Variants in BAX observed in about 807,000 individuals in gnomAD.
BAX encodes apoptosis regulator BAX.
Under a neutral mutation model 26.8 loss-of-function variants are expected in BAX, and 21 were observed. The observed-to-expected ratio is 0.78, with a 90% confidence interval of 0.56 to 1.13. The LOEUF (loss-of-function observed/expected upper bound fraction) is 1.13. Among genes scored for constraint, BAX ranks in the 50% most tolerant of loss-of-function variants. BAX has a pLI of 0.00. For missense variants in BAX, 236 were observed against 254.6 expected, an observed-to-expected ratio of 0.93 and a Z score of 0.50; for synonymous variants, 110 against 101.8, an observed-to-expected ratio of 1.08 and a Z score of -0.49.
chr19:48,955,151 T>A, intron 1 of BAX, 189 bp downstream of exon 1: 1 of 678,326 alleles, frequency 1.5e-6, no homozygotes, highest in Admixed American at 4.4e-5. Context: ...CGTGTCCCGA[T>A]CCCTGCCTCT....
At chr19:48,959,349 CAAAA>C (rs71179067) in intron 4 of BAX, among the ~76,000 whole-genome samples, 250 of 73,038 alleles carry the variant, frequency 3.4e-3, no homozygotes, top group Non-Finnish European at 4.3e-3. Context: ...GACTCCGTCT[CAAAA>C]AAAAAAAAAA....
intron 4 of BAX, among the ~76,000 whole-genome samples, chr19:48,956,819 C>CTTTTTTTT (rs56251427): frequency 7.6e-3 from 661 of 87,368 alleles, no homozygotes; most frequent in Non-Finnish European, 8.7e-3. Flanking sequence ...TTATCCCTGG[C>CTTTTTTTT]TTTTTTTTTT....
At chr19:48,955,330 C>T in intron 1 of BAX, 1 of 517,768 alleles carries the variant, frequency 1.9e-6, no homozygotes, top group South Asian at 3.9e-5. Context: ...TTCCCCTAGC[C>T]TCTTTCCCCG....
chr19:48,961,054 GATC>G, intron 5 of BAX, 140 bp downstream of exon 5: 1 of 1,610,022 alleles, frequency 6.2e-7, no homozygotes, highest in Non-Finnish European at 8.5e-7. Context: ...CCCATCTTCA[GATC>G]ATCAGATGTG....
intron 4 of BAX, 37 bp downstream of exon 4, chr19:48,956,370 C>T: frequency 6.7e-7 from 1 of 1,484,692 alleles, no homozygotes; most frequent in Non-Finnish European, 9.0e-7. Context: ...AGGGATGCTC[C>T]CCCTCAGATC....
At chr19:48,957,223 T>C (rs2122354194) in intron 4 of BAX, among the ~76,000 whole-genome samples, 1 of 148,698 alleles carries the variant, frequency 6.7e-6, no homozygotes, top group African/African-American at 2.5e-5. Flanking sequence ...CAGGGGCAGA[T>C]TGTGTGGAGT....
intron 4 of BAX, among the ~76,000 whole-genome samples, chr19:48,959,991 T>C (rs1201704478): frequency 4.0e-4 from 2 of 5,052 alleles, no homozygotes; most frequent in Admixed American, 1.2e-3. Flanking sequence ...AGACTCCATC[T>C]TAAAAAAAAA....
chr19:48,961,631 G>A lies in BAX; in HGVS notation c.574G>A (p.Gly192Ser), dbSNP rs1375579894. ...TASLTIWKKMG is the reference protein window; with the variant it reads ...TASLTIWKKMS ...CTCACTCACCATCTGGAAGAAGATG[G>A]GCTGAGGCCCCCAGCTGCCTTGGAC... Residue 192 changes from glycine to serine, a missense_variant, in exon 6 of 6, where the codon GGC becomes AGC. Coordinates refer to ENST00000345358, the MANE Select transcript of BAX (RefSeq NM_138761.4). 1.3e-6 allele frequency: 2 copies of A among 1,597,372 alleles called. No homozygotes were observed. Among genetic ancestry groups the A allele is most frequent in the Non-Finnish European group, 1.7e-6 (2 of 1,171,480 alleles).
At chr19:48,959,615 G>T (rs1263521842) in intron 4 of BAX, among the ~76,000 whole-genome samples, 1 of 146,172 alleles carries the variant, frequency 6.8e-6, no homozygotes, top group East Asian at 2.0e-4. Flanking sequence ...AGGAGTTTGA[G>T]ACCAGCCTGA....
intron 4 of BAX, among the ~76,000 whole-genome samples, chr19:48,956,734 C>A (rs2038149063): frequency 6.8e-6 from 1 of 148,140 alleles, no homozygotes; most frequent in Non-Finnish European, 1.5e-5. Flanking sequence ...TGGTTCACTG[C>A]AACCTCTGCC....
chr19:48,957,648 T>C (rs1235987253), intron 4 of BAX, among the ~76,000 whole-genome samples: 1 of 152,168 alleles, frequency 6.6e-6, no homozygotes, highest in Non-Finnish European at 1.5e-5. Flanking sequence ...CGACAAGACC[T>C]GATTTATAAC....
chr19:48,958,344 GAT>G (rs1491148270), intron 4 of BAX, among the ~76,000 whole-genome samples: 1 of 112,582 alleles, frequency 8.9e-6, no homozygotes, highest in Non-Finnish European at 1.8e-5. Context: ...CTTTTTGGAA[GAT>G]TTTTTTTTTT....
chr19:48,959,371 A>G (rs1465866014), intron 4 of BAX, among the ~76,000 whole-genome samples: 2 of 139,512 alleles, frequency 1.4e-5, no homozygotes, highest in Non-Finnish European at 3.1e-5. Flanking sequence ...AAAAAAAAAA[A>G]GAAAAGTCCT....
chr19:48,959,093 G>C (rs2038247139), intron 4 of BAX, among the ~76,000 whole-genome samples: 1 of 151,168 alleles, frequency 6.6e-6, no homozygotes, highest in African/African-American at 2.4e-5. Flanking sequence ...GCTCACGCCT[G>C]TAATCCCAGC....
chr19:48,956,457 G>A, intron 4 of BAX, 124 bp downstream of exon 4: 1 of 1,051,976 alleles, frequency 9.5e-7, no homozygotes, highest in East Asian at 2.9e-5. Context: ...AGAGATGGCT[G>A]TGCACTGGGT....
chr19:48,955,013 C>A, intron 1 of BAX, 51 bp downstream of exon 1: 1 of 1,240,320 alleles, frequency 8.1e-7, no homozygotes, highest in Non-Finnish European at 1.0e-6. Context: ...CTCGCCGGCC[C>A]GTCCGGGATC....
intron 5 of BAX, chr19:48,961,263 TCCCC>T: frequency 7.1e-7 from 1 of 1,405,410 alleles, no homozygotes; most frequent in Non-Finnish European, 9.3e-7. Flanking sequence ...TTTTTTTTTT[TCCCC>T]ACTGAGAAGG....
At chr19:48,961,402 A>T in intron 5 of BAX, 130 bp from the exon 6 acceptor site, 1 of 1,168,366 alleles carries the variant, frequency 8.6e-7, no homozygotes, top group Non-Finnish European at 1.2e-6. Flanking sequence ...CCAGCTCTTT[A>T]ATGCCCGTTC....
intron 2 of BAX, 36 bp from the exon 3 acceptor site, chr19:48,955,650 GT>G (rs2038094339): frequency 6.2e-7 from 1 of 1,612,546 alleles, no homozygotes; most frequent in Non-Finnish European, 8.5e-7. Context: ...GTGACACCCC[GT>G]TCTGATTCTG....
Sources: gnomAD v4.1 joint callset for allele counts (sites outside exome capture counted in the v4.1 genomes callset) on GRCh38, gnomAD v4.1.1 for gene constraint, MANE v1.5 for transcripts, NCBI Gene and HGNC (gene_info 2026-07-23, HGNC 2026-07-21) for gene names.